The following TMC2 variants were observed in gnomAD, a reference collection of about 807,000 sequenced individuals.
TMC2 encodes transmembrane channel-like protein 2.
Under a neutral mutation model 105.9 loss-of-function variants are expected in TMC2, and 102 were observed. The observed-to-expected ratio is 0.96, with a 90% CI of 0.82 to 1.14. The LOEUF is 1.14. Among genes scored for constraint, TMC2 ranks in the 50% most tolerant of loss-of-function variants. The pLI is 0.00. For missense variants in TMC2, 1,093 were observed against 1,134.3 expected (o/e 0.96, Z 0.52); for synonymous variants, 402 against 422.8 (o/e 0.95, Z 0.60).
intron 2 of TMC2, among the ~76,000 whole-genome samples, chr20:2,549,253 G>A (rs1468883683): frequency 1.3e-5 from 2 of 151,982 alleles, no homozygotes; most frequent in Non-Finnish European, 2.9e-5. Context: ...CCAGGATCTC[G>A]CTGTGTTGCC....
chr20:2,544,105 G>A (rs1041973966), intron 2 of TMC2, among the ~76,000 whole-genome samples: 57 of 148,422 alleles, frequency 3.8e-4, no homozygotes, highest in East Asian at 1.8e-3. Flanking sequence ...TAGTAGAGAC[G>A]GGGTTTCACC....
At chr20:2,559,284 C>T (rs2122828526) in intron 3 of TMC2, among the ~76,000 whole-genome samples, 1 of 152,322 alleles carries the variant, frequency 6.6e-6, no homozygotes, top group African/African-American at 2.4e-5. Flanking sequence ...AGGAGACCTT[C>T]AAGGATGCTA....
chr20:2,572,835 T>A (rs1180509887), intron 5 of TMC2, among the ~76,000 whole-genome samples: 1 of 152,198 alleles, frequency 6.6e-6, no homozygotes, highest in Non-Finnish European at 1.5e-5. Context: ...GTTTCAGGGC[T>A]TTTATTCTGA....
intron 16 of TMC2, among the ~76,000 whole-genome samples, chr20:2,622,823 A>G (rs1021202677): frequency 2.0e-5 from 3 of 152,210 alleles, no homozygotes; most frequent in African/African-American, 4.8e-5. Flanking sequence ...AAGGGCGCTT[A>G]TAACTTAACA....
chr20:2,557,346 G>A (rs1469198050), intron 2 of TMC2, among the ~76,000 whole-genome samples: 1 of 152,020 alleles, frequency 6.6e-6, no homozygotes, highest in Non-Finnish European at 1.5e-5. Context: ...TTCCTTGACT[G>A]TGACCAGTCT....
chr20:2,636,074 G>A, intron 18 of TMC2, 70 bp downstream of exon 18: 1 of 1,333,270 alleles, frequency 7.5e-7, no homozygotes, highest in Non-Finnish European at 1.1e-6. Context: ...CTAATTTGCT[G>A]TGTGAGCCCA....
At chr20:2,629,497 T>C (rs1042931996) in intron 17 of TMC2, among the ~76,000 whole-genome samples, 2 of 142,466 alleles carry the variant, frequency 1.4e-5, no homozygotes, top group African/African-American at 5.3e-5. Context: ...GAAAGTGGAG[T>C]AACTTTTCTA....
In TMC2 at chr20:2,579,246, C is replaced by T. The variant is rs1463126140; in HGVS notation, c.727+19C>T. On this transcript the variant is annotated intron_variant, in intron 6 of 19. Transcript: ENST00000358864. ...ATTGAAAGTGAGTATGCTGGTGTCA[C>T]TGTTTTTTTAATTGGTTTCCTAAAG... is the stretch of plus-strand genomic sequence containing the variant. The T allele has an allele frequency of 1.3e-6, 2 of 1,496,386 alleles. No individual in the cohort carries two copies. Among genetic ancestry groups the T allele is most frequent in the Non-Finnish European group, 1.9e-6 (2 of 1,073,460 alleles). The allele number at this position is 1,496,386 out of a possible 1,614,324, so 92.7% of individuals were successfully genotyped here.
intron 2 of TMC2, among the ~76,000 whole-genome samples, chr20:2,557,167 T>A (rs2122822327): frequency 6.6e-6 from 1 of 152,370 alleles, no homozygotes; most frequent in African/African-American, 2.4e-5. Context: ...TTCAAATATT[T>A]CTTCTGTTCC....
intron 14 of TMC2, chr20:2,613,693 A>T: frequency 3.0e-6 from 1 of 336,988 alleles, no homozygotes; most frequent in East Asian, 7.8e-5. Context: ...TATTTCAGGA[A>T]GTCCTGGAAC....
chr20:2,577,226 A>G (rs983078573), intron 5 of TMC2, among the ~76,000 whole-genome samples: 1 of 151,694 alleles, frequency 6.6e-6, no homozygotes, highest in African/African-American at 2.4e-5. Flanking sequence ...TTTTTAGTAG[A>G]GACAGGGTTT....
At chr20:2,573,612 A>G (rs905709300) in intron 5 of TMC2, among the ~76,000 whole-genome samples, 3 of 143,032 alleles carry the variant, frequency 2.1e-5, no homozygotes, top group Non-Finnish European at 3.0e-5. Flanking sequence ...CCAAGCTGGA[A>G]TGCGGTGGCG....
intron 9 of TMC2, among the ~76,000 whole-genome samples, chr20:2,596,820 T>C (rs961644976): frequency 6.6e-6 from 1 of 151,968 alleles, no homozygotes; most frequent in African/African-American, 2.4e-5. Flanking sequence ...GACTCCCGTA[T>C]AGAGTTCTCA....
rs570346255 is a variant in TMC2 at position 2,542,085 on chromosome 20, A to G, written c.82+4769A>G. Among the ~76,000 whole-genome samples the G allele has an allele frequency of 3.3e-5, 5 of 152,152 alleles. No individual in the cohort carries two copies. The South Asian group carries it at 8.3e-4, about 25-fold the overall frequency. On this transcript the variant is annotated intron_variant, in intron 2 of 19. Coordinates refer to ENST00000358864, the MANE Select transcript of TMC2 (RefSeq NM_080751.3). Reference sequence around the variant, plus strand: ...TTGGAGAGGAGAATTTTTTTCCTCTACCTTCCTAGGTTCAGTGACTACAGG... The same window carrying G: ...TTGGAGAGGAGAATTTTTTTCCTCTGCCTTCCTAGGTTCAGTGACTACAGG...
chr20:2,558,649 G>C lies in TMC2; in HGVS notation c.276G>C (p.Glu92Asp). The change falls in exon 3 of 20, where the codon GAG (glutamate) becomes GAC (aspartate). Residue 92 changes from glutamate to aspartate, a missense_variant. Glu to Asp is a conservative substitution (Grantham distance 45). Coordinates refer to ENST00000358864, the MANE Select transcript of TMC2 (RefSeq NM_080751.3). This position sits in a 1 kb window ranked among gnomAD's most constrained non-coding sequence, Gnocchi z 4.6. ...ELGEQERGEAERTCEGRRKRD... is the reference protein window; with the variant it reads ...ELGEQERGEADRTCEGRRKRD... ...GGGAGCAGGAGCGGGGCGAGGCAGA[G>C]AGGACCTGCGAGGGCAGGAGAAAGC... 6.3e-7 allele frequency: 1 copy of C among 1,580,118 alleles called. No individual in the cohort carries two copies. Among genetic ancestry groups the C allele is most frequent in the Non-Finnish European group, 8.6e-7 (1 of 1,162,914 alleles).
intron 4 of TMC2, among the ~76,000 whole-genome samples, chr20:2,564,207 G>A (rs564881996): frequency 7.8e-5 from 11 of 141,688 alleles, no homozygotes; most frequent in African/African-American, 1.1e-4. Context: ...ATGGAGTGCA[G>A]TGGCACAATC....
In TMC2 at chr20:2,596,709, A is replaced by AT. The variant is rs1346993251; in HGVS notation, c.1077-442_1077-441insT. On this transcript the variant is annotated intron_variant, in intron 9 of 19. Transcript: ENST00000358864. ...GTGTTTTGCATTTTATATCAGAAAA[A>AT]AATATATATGTGTGTGTGTGTGTGT... is the stretch of plus-strand genomic sequence containing the variant. Among the ~76,000 whole-genome samples, 8 of 100,174 alleles carry AT rather than the reference A, an allele frequency of 8.0e-5. No homozygotes were observed. The South Asian group carries it at 1.2e-3, about 15-fold the overall frequency. The allele number at this position is 100,174 out of a possible 152,430, so 65.7% of individuals were successfully genotyped here.
intron 2 of TMC2, among the ~76,000 whole-genome samples, chr20:2,538,614 T>A (rs966417659): frequency 6.6e-6 from 1 of 152,160 alleles, no homozygotes; most frequent in Non-Finnish European, 1.5e-5. Context: ...TGTGCGGGAC[T>A]CCCCTGTGAG....
intron 11 of TMC2, among the ~76,000 whole-genome samples, chr20:2,603,238 A>C (rs6115143): frequency 6.0e-4 from 91 of 151,994 alleles, no homozygotes; most frequent in African/African-American, 2.1e-3. Context: ...AAAAAAAAAA[A>C]TGCTGCCCCA....
Sources: allele counts gnomAD v4.1 joint callset (sites outside exome capture counted in the v4.1 genomes callset), GRCh38; gene constraint gnomAD v4.1.1; non-coding constraint Gnocchi (gnomAD v3.1); transcripts MANE v1.5; gene names NCBI Gene and HGNC (gene_info 2026-07-23, HGNC 2026-07-21).